Variants in GLI2 observed in about 807,000 individuals in gnomAD.
The protein encoded by GLI2 is GLI family zinc finger 2.
GLI2 carries 22 observed loss-of-function variants against 78.9 expected under a neutral mutation model. The observed-to-expected ratio is 0.28, with a 90% confidence interval of 0.20 to 0.40. The LOEUF is 0.40. Among genes scored for constraint, GLI2 ranks in the 10% least tolerant of loss-of-function variants. GLI2 has a pLI of 1.00. For missense variants in GLI2, 2,097 were observed against 2,213.2 expected (o/e 0.95, Z 1.05); for synonymous variants, 974 against 963.7 (o/e 1.01, Z -0.20).
At chr2:120,829,416 C>T (rs1269271587) in intron 2 of GLI2, among the ~76,000 whole-genome samples, 1 of 152,178 alleles carries the variant, frequency 6.6e-6, no homozygotes, top group Non-Finnish European at 1.5e-5. Context: ...GATCTCAGGC[C>T]CAGGAGTTGG....
chr2:120,762,149 G>A (rs1283121711), intron 1 of GLI2, among the ~76,000 whole-genome samples: 1 of 152,120 alleles, frequency 6.6e-6, no homozygotes, highest in Non-Finnish European at 1.5e-5. Flanking sequence ...CAAGCTGGTG[G>A]CAGTCATGGC....
chr2:120,951,520 C>T lies in GLI2; in HGVS notation c.457+75C>T, dbSNP rs2104951826. 45 of 870,592 alleles carry T rather than the reference C, an allele frequency of 5.2e-5. 1 individual carries two copies. The South Asian group carries it at 7.0e-4, about 13-fold the overall frequency. 53.9% of individuals were successfully genotyped at this position (870,592 alleles called of 1,614,324 possible). ...GCGCAGCCAGCCTCTCTCACGCTAA[C>T]ACTGTCAACTCCTCAGCCTTGGTCC... On this transcript the variant is annotated intron_variant, in intron 4 of 13. Transcript: ENST00000361492.
intron 1 of GLI2, among the ~76,000 whole-genome samples, chr2:120,744,048 T>G (rs1312849761): frequency 6.6e-6 from 1 of 152,114 alleles, no homozygotes; most frequent in Non-Finnish European, 1.5e-5. Flanking sequence ...CTTGGGGACA[T>G]TGGTAGAGAG....
intron 2 of GLI2, among the ~76,000 whole-genome samples, chr2:120,799,793 C>G (rs1573393965): frequency 6.6e-6 from 1 of 152,200 alleles, no homozygotes; most frequent in Non-Finnish European, 1.5e-5. Flanking sequence ...CCCTGAGTCC[C>G]CCAGAAGGCT....
intron 2 of GLI2, among the ~76,000 whole-genome samples, chr2:120,907,434 G>A (rs1678588084): frequency 6.6e-6 from 1 of 152,164 alleles, no homozygotes; most frequent in Non-Finnish European, 1.5e-5. Context: ...GAGACTCTGG[G>A]GCTCTGGGTG....
intron 2 of GLI2, among the ~76,000 whole-genome samples, chr2:120,881,991 G>A (rs1677176541): frequency 6.6e-6 from 1 of 152,062 alleles, no homozygotes; most frequent in Admixed American, 6.5e-5. Flanking sequence ...GGGATGGAAT[G>A]TCATAGGGGA....
intron 3 of GLI2, among the ~76,000 whole-genome samples, chr2:120,951,015 G>T (rs1352548969): frequency 6.6e-6 from 1 of 152,230 alleles, no homozygotes; most frequent in Non-Finnish European, 1.5e-5. Flanking sequence ...TGGCCGGCGG[G>T]TGCACGCACC....
At position 120,834,928 on chromosome 2, in the gene GLI2, GCTAA is replaced by G. The variant is rs1558823787; in HGVS notation, c.148+37461_148+37464del. 3.2e-4 allele frequency among the ~76,000 whole-genome samples: 48 copies of G among 152,244 alleles called. 2 individuals carry two copies. The East Asian group carries it at 7.4e-3, about 23-fold the overall frequency. ...GGGCTCTGCACCCCATGTTCTCTGG[GCTAA>G]ACCCACATGGGTCCTCACTCTTCAG... On this transcript the variant is annotated intron_variant, in intron 2 of 13. Transcript: ENST00000361492.
Position 120,990,639 on chromosome 2 carries a change from C to G in GLI2, c.4674C>G (p.Leu1558=). The G allele has an allele frequency of 6.2e-7, 1 of 1,613,156 alleles. No individual in the cohort carries two copies. Among genetic ancestry groups the G allele is most frequent in the Non-Finnish European group, 8.5e-7 (1 of 1,179,586 alleles). ...VGDMSSMLTS[L]AEESKFLNMM... ...ACATGAGCTCCATGCTCACCAGCCT[C>G]GCCGAGGAGAGCAAGTTCCTGAACA... is the stretch of plus-strand genomic sequence containing the variant. Residue 1558 remains leucine (L), a synonymous_variant, in exon 14 of 14, where the codon CTC becomes CTG. Coordinates refer to ENST00000361492, the MANE Select transcript of GLI2 (RefSeq NM_001374353.1).
At chr2:120,909,781 C>T (rs539374003) in intron 2 of GLI2, among the ~76,000 whole-genome samples, 3,060 of 152,290 alleles carry the variant, frequency 0.02, 114 homozygotes, top group African/African-American at 0.07. Context: ...AGGAGAATGG[C>T]ATGAACCCGG....
rs186849308 is a variant in GLI2 at position 120,919,446 on chromosome 2, G to A, written c.149-7915G>A. Among the ~76,000 whole-genome samples, 4 of 152,346 alleles carry A rather than the reference G, an allele frequency of 2.6e-5. No individual in the cohort carries two copies. The East Asian group carries it at 7.7e-4, about 29-fold the overall frequency. On this transcript the variant is annotated intron_variant, in intron 2 of 13. Transcript: ENST00000361492. ...CACCCCAGGAGTGCTTTGTGTGCGAGTGCTGGCCAGGGTCCCACACAGACC... is the reference window on the plus strand; with the variant it reads ...CACCCCAGGAGTGCTTTGTGTGCGAATGCTGGCCAGGGTCCCACACAGACC...
At chr2:120,761,811 C>G (rs1683221964) in intron 1 of GLI2, among the ~76,000 whole-genome samples, 1 of 152,118 alleles carries the variant, frequency 6.6e-6, no homozygotes, top group South Asian at 2.1e-4. Context: ...GTGCCAAGGA[C>G]AGCTTTCTTG....
At position 120,868,765 on chromosome 2, in the gene GLI2, G is replaced by A. The variant is rs553396296; in HGVS notation, c.149-58596G>A. On this transcript the variant is annotated intron_variant, in intron 2 of 13. Coordinates refer to ENST00000361492, the MANE Select transcript of GLI2 (RefSeq NM_001374353.1). Reference sequence around the variant, plus strand: ...GACTGGAACCCTCAGGTAACAGGTAGGGATGCAGCAGCAGTGTCCTGGAAA... The same window carrying A: ...GACTGGAACCCTCAGGTAACAGGTAAGGATGCAGCAGCAGTGTCCTGGAAA... 3.9e-4 allele frequency among the ~76,000 whole-genome samples: 59 copies of A among 152,340 alleles called. No homozygotes were observed. The Middle Eastern group carries it at 0.017, about 44-fold the overall frequency.
At chr2:120,891,680 G>A (rs1677688105) in intron 2 of GLI2, among the ~76,000 whole-genome samples, 1 of 152,122 alleles carries the variant, frequency 6.6e-6, no homozygotes, top group African/African-American at 2.4e-5. Context: ...TCTCCTCTGG[G>A]GAGCCGGCTA....
intron 2 of GLI2, among the ~76,000 whole-genome samples, chr2:120,846,267 T>A (rs1687111545): frequency 6.6e-6 from 1 of 152,216 alleles, no homozygotes; most frequent in Non-Finnish European, 1.5e-5. Flanking sequence ...GGCCCTTCCA[T>A]GTGCATCTGT....
Position 120,988,951 on chromosome 2 carries a change from C to G in GLI2, c.2986C>G (p.Pro996Ala). 7.2e-6 allele frequency: 11 copies of G among 1,537,218 alleles called. No homozygotes were observed. Among genetic ancestry groups the G allele is most frequent in the Non-Finnish European group, 9.6e-6 (11 of 1,146,614 alleles). Residue 996 changes from proline (P) to alanine (A), a missense_variant, in exon 14 of 14, where the codon CCG becomes GCG. By Grantham distance (27) the Pro-to-Ala change is conservative. Transcript: ENST00000361492. ...GCGAGGCCTCCGCCTGCAGAGCCAC[C>G]CGAGCACCGACGGCGGCCTGGCCCG... The part of the protein sequence containing the change: ...DRRGLRLQSH[P>A]STDGGLARGA...
intron 2 of GLI2, among the ~76,000 whole-genome samples, chr2:120,854,997 C>A (rs1447336114): frequency 1.3e-5 from 2 of 152,234 alleles, no homozygotes; most frequent in Non-Finnish European, 2.9e-5. Context: ...GCCCTGCACA[C>A]CCTCCACACA....
At chr2:120,778,365 A>G (rs1480162636) in intron 1 of GLI2, among the ~76,000 whole-genome samples, 1 of 152,138 alleles carries the variant, frequency 6.6e-6, no homozygotes, top group Non-Finnish European at 1.5e-5. Context: ...TGTGACTCAG[A>G]GTGCTCCCAT....
intron 1 of GLI2, among the ~76,000 whole-genome samples, chr2:120,785,418 G>A (rs377748051): frequency 1.1e-3 from 164 of 152,312 alleles, no homozygotes; most frequent in African/African-American, 3.8e-3. Flanking sequence ...GAGGAAAGCC[G>A]GTGGCTGAGG....
Sources: allele counts gnomAD v4.1 joint callset (sites outside exome capture counted in the v4.1 genomes callset), GRCh38; gene constraint gnomAD v4.1.1; transcripts MANE v1.5; gene names NCBI Gene and HGNC (gene_info 2026-07-23, HGNC 2026-07-21).